The following NALF1 variants were observed in gnomAD, a reference collection of about 807,000 sequenced individuals.
The protein encoded by NALF1 is NALCN channel auxiliary factor 1.
A neutral mutation model predicts 48.4 loss-of-function variants in NALF1; 3 were observed. The ratio of observed to expected loss-of-function variants is 0.06; its 90% confidence interval spans 0.03 to 0.16. NALF1 has a LOEUF of 0.16. Among genes scored for constraint, NALF1 ranks in the 10% least tolerant of loss-of-function variants. The pLI, the probability that NALF1 is intolerant of heterozygous loss-of-function variation, is 1.00. For missense variants in NALF1, 526 were observed against 571.5 expected (o/e 0.92, Z 0.81); for synonymous variants, 262 against 245.7 (o/e 1.07, Z -0.62).
intron 1 of NALF1, among the ~76,000 whole-genome samples, chr13:107,707,693 T>C (rs1012910121): frequency 1.6e-4 from 25 of 152,322 alleles, no homozygotes; most frequent in African/African-American, 5.5e-4. Flanking sequence ...GGCTAGATAT[T>C]TGAGGGTAGA....
intron 1 of NALF1, among the ~76,000 whole-genome samples, chr13:107,654,811 G>C (rs1880535397): frequency 6.6e-6 from 1 of 152,038 alleles, no homozygotes; most frequent in Admixed American, 6.6e-5. Flanking sequence ...AGATCAAGTA[G>C]GTTTCATACC....
chr13:107,754,354 AACAC>A (rs6145234), intron 1 of NALF1, among the ~76,000 whole-genome samples: 20,001 of 142,186 alleles, frequency 0.14, 1,437 homozygotes, highest in African/African-American at 0.15. Flanking sequence ...GTACATTGTG[AACAC>A]ACACACACAC....
intron 1 of NALF1, among the ~76,000 whole-genome samples, chr13:107,279,024 CCTTTTCTTTT>C (rs1296110854): frequency 1.3e-4 from 19 of 147,354 alleles, no homozygotes; most frequent in Non-Finnish European, 2.1e-4. Context: ...TCAGGTCTTT[CCTTTTCTTTT>C]CTTTTCTTCT....
intron 1 of NALF1, among the ~76,000 whole-genome samples, chr13:107,292,992 C>CTTTTTCTTTTTTTTTTTTTTT (rs745529749): frequency 2.1e-4 from 23 of 110,668 alleles, no homozygotes; most frequent in East Asian, 5.6e-4. Flanking sequence ...TTTTCTTTTT[C>CTTTTTCTTTTTTTTTTTTTTT]TTTTTTTTTT....
intron 1 of NALF1, among the ~76,000 whole-genome samples, chr13:107,860,302 T>C (rs1055580409): frequency 2.6e-5 from 4 of 152,206 alleles, no homozygotes; most frequent in Non-Finnish European, 5.9e-5. Flanking sequence ...CCATTACCAC[T>C]TTTTAAAAAT....
At chr13:107,346,510 T>C (rs926785758) in intron 1 of NALF1, among the ~76,000 whole-genome samples, 4 of 152,162 alleles carry the variant, frequency 2.6e-5, no homozygotes. Flanking sequence ...CTAAGTGAAA[T>C]AAACCAATTA....
rs567873009 is a variant in NALF1 at position 107,774,101 on chromosome 13, A to C, written c.915+91581T>G. On this transcript the variant is annotated intron_variant, in intron 1 of 2. Transcript: ENST00000375915. ...GAGCTAGAAATTGTACTTTTTTATG[A>C]AGGTGAGAAGAACAGTTACTTCAAT... Among the ~76,000 whole-genome samples, 18 of 152,274 alleles carry C rather than the reference A, an allele frequency of 1.2e-4. No homozygotes were observed. The East Asian group carries it at 3.3e-3, about 28-fold the overall frequency.
chr13:107,497,546 G>A (rs1236168628), intron 1 of NALF1, among the ~76,000 whole-genome samples: 1 of 152,114 alleles, frequency 6.6e-6, no homozygotes, highest in East Asian at 1.9e-4. Context: ...TTCCTCTGAT[G>A]TACACTTTCT....
At chr13:107,443,721 T>A (rs1401485528) in intron 1 of NALF1, among the ~76,000 whole-genome samples, 2 of 152,176 alleles carry the variant, frequency 1.3e-5, no homozygotes, top group East Asian at 3.9e-4. Context: ...GATTAAACCA[T>A]GACAGTATGT....
At chr13:107,849,766 C>T (rs977897115) in intron 1 of NALF1, among the ~76,000 whole-genome samples, 1 of 152,212 alleles carries the variant, frequency 6.6e-6, no homozygotes, top group African/African-American at 2.4e-5. Flanking sequence ...CACCTGCAAG[C>T]TCTCTTCTTT....
chr13:107,731,446 A>C (rs1876305414), intron 1 of NALF1, among the ~76,000 whole-genome samples: 1 of 152,128 alleles, frequency 6.6e-6, no homozygotes, highest in African/African-American at 2.4e-5. Context: ...CAGGTTTGTT[A>C]TATAGGTAAA....
chr13:107,567,715 C>G (rs1877856989), intron 1 of NALF1, among the ~76,000 whole-genome samples: 1 of 152,142 alleles, frequency 6.6e-6, no homozygotes, highest in Admixed American at 6.5e-5. Flanking sequence ...TAACCACCAC[C>G]AAAATCAAAA....
chr13:107,183,992 T>A (rs909834209), intron 2 of NALF1, among the ~76,000 whole-genome samples: 1 of 151,932 alleles, frequency 6.6e-6, no homozygotes, highest in Non-Finnish European at 1.5e-5. Context: ...TTTTATTTTC[T>A]TTTTGAGACA....
intron 1 of NALF1, among the ~76,000 whole-genome samples, chr13:107,817,144 T>C (rs1187080786): frequency 6.6e-6 from 1 of 152,040 alleles, no homozygotes; most frequent in South Asian, 2.1e-4. Flanking sequence ...GTGATGAAAA[T>C]AGAAGTAGGT....
chr13:107,181,166 A>T (rs547014748), intron 2 of NALF1, among the ~76,000 whole-genome samples: 1 of 151,780 alleles, frequency 6.6e-6, no homozygotes, highest in South Asian at 2.1e-4. Context: ...CAACTCTTGA[A>T]CATATCAGTA....
intron 1 of NALF1, among the ~76,000 whole-genome samples, chr13:107,600,444 T>C (rs1878889459): frequency 1.3e-5 from 2 of 149,002 alleles, no homozygotes; most frequent in Admixed American, 1.4e-4. Context: ...ATTATGTAGG[T>C]TAATGTCTTT....
chr13:107,221,734 TC>T (rs1450207001), intron 1 of NALF1, among the ~76,000 whole-genome samples: 8 of 152,172 alleles, frequency 5.3e-5, no homozygotes, highest in Non-Finnish European at 1.2e-4. Flanking sequence ...ATGGACAAAG[TC>T]CCACAGCAAA....
intron 1 of NALF1, among the ~76,000 whole-genome samples, chr13:107,662,253 G>A (rs1019279334): frequency 3.6e-4 from 55 of 152,232 alleles, no homozygotes; most frequent in African/African-American, 9.1e-4. Context: ...TAGAGGTCCC[G>A]GGGTCACAGG....
At chr13:107,861,927 C>T (rs1302451746) in intron 1 of NALF1, among the ~76,000 whole-genome samples, 1 of 152,088 alleles carries the variant, frequency 6.6e-6, no homozygotes, top group South Asian at 2.1e-4. Context: ...AATGAGAAAG[C>T]CCTGCTATAC....
Sources: allele counts gnomAD v4.1 joint callset (sites outside exome capture counted in the v4.1 genomes callset), GRCh38; gene constraint gnomAD v4.1.1; transcripts MANE v1.5; gene names NCBI Gene and HGNC (gene_info 2026-07-23, HGNC 2026-07-21).